The following ADGRL2 variants were observed in gnomAD, a reference collection of about 807,000 sequenced individuals.
The protein encoded by ADGRL2 is adhesion G protein-coupled receptor L2.
A neutral mutation model predicts 157.4 loss-of-function variants in ADGRL2; 44 were observed. The observed-to-expected ratio is 0.28, with a 90% confidence interval of 0.22 to 0.36. The LOEUF (loss-of-function observed/expected upper bound fraction) is 0.36. ADGRL2 is among the 10% of genes least tolerant of loss of function. The pLI is 1.00. For missense variants in ADGRL2, 1,510 were observed against 1,768.9 expected (o/e 0.85, Z 2.63); for synonymous variants, 585 against 624.7 (o/e 0.94, Z 0.95).
intron 2 of ADGRL2, among the ~76,000 whole-genome samples, chr1:81,766,873 T>C (rs1197187186): frequency 7.5e-6 from 1 of 133,356 alleles, no homozygotes; most frequent in Non-Finnish European, 1.6e-5. Context: ...GAAAAAGAAA[T>C]GCAGATCGTG....
intron 1 of ADGRL2, among the ~76,000 whole-genome samples, chr1:81,706,603 G>C (rs893536587): frequency 6.6e-5 from 10 of 152,150 alleles, no homozygotes; most frequent in African/African-American, 2.2e-4. Context: ...GATTGTCAAC[G>C]AAAAGAGAGA....
At position 81,581,863 on chromosome 1, in the gene ADGRL2, C is replaced by T. The variant is rs918291567; in HGVS notation, c.-143+883C>T. On this transcript the variant is annotated intron_variant, in intron 3 of 24. Coordinates refer to the ADGRL2 transcript ENST00000370721. ...TACGGTATTTAACCTCCCACCACCA[C>T]ACACATGCGCGCACACACACACACA... is the stretch of plus-strand genomic sequence containing the variant. Among the ~76,000 whole-genome samples the T allele has an allele frequency of 2.5e-4, 27 of 107,516 alleles. No homozygotes were observed. The Admixed American group carries it at 3.3e-3, about 13-fold the overall frequency. 70.5% of individuals were successfully genotyped at this position (107,516 alleles called of 152,430 possible). A position where few individuals can be genotyped will look rare whatever the true frequency, so the allele number is the denominator to read the frequency against.
chr1:81,904,484 G>A (rs886447256), intron 2 of ADGRL2, among the ~76,000 whole-genome samples: 4 of 152,166 alleles, frequency 2.6e-5, no homozygotes, highest in African/African-American at 9.7e-5. Context: ...TGGTTCTGGG[G>A]TTCTGGGGTC....
In ADGRL2 at chr1:81,911,374, C is replaced by CA. The variant is rs536099869; in HGVS notation, c.287+4151dup. 1.1e-3 allele frequency among the ~76,000 whole-genome samples: 169 copies of CA among 151,782 alleles called. 1 individual carries two copies. The highest frequency in any genetic ancestry group is 2.5e-3 in the South Asian group (12 of 4,790). On this transcript the variant is annotated intron_variant, in intron 3 of 23. Coordinates refer to ENST00000686636, the MANE Select transcript of ADGRL2 (RefSeq NM_001366006.2). ...TAACACTTTGAATTCATTAACAAAC[C>CA]AAAAAAACAAATCCTACTATTACTT...
intron 2 of ADGRL2, among the ~76,000 whole-genome samples, chr1:81,871,019 T>C (rs1211363639): frequency 6.6e-6 from 1 of 151,658 alleles, no homozygotes; most frequent in Non-Finnish European, 1.5e-5. Flanking sequence ...ATGTGCCATG[T>C]TGGTGTGCTG....
intron 2 of ADGRL2, among the ~76,000 whole-genome samples, chr1:81,562,566 C>T (rs998790564): frequency 2.0e-5 from 3 of 152,090 alleles, no homozygotes; most frequent in African/African-American, 7.2e-5. Context: ...TGTATAGCCT[C>T]AGCTGGAAAA....
At chr1:81,614,847 T>TAA (rs112809079) in intron 3 of ADGRL2, among the ~76,000 whole-genome samples, 84 of 145,392 alleles carry the variant, frequency 5.8e-4, no homozygotes, top group Non-Finnish European at 1.0e-3. Flanking sequence ...CTCTACAAAT[T>TAA]AAAAAAAAAA....
intron 1 of ADGRL2, among the ~76,000 whole-genome samples, chr1:81,750,627 G>A (rs2149264988): frequency 6.6e-6 from 1 of 152,258 alleles, no homozygotes; most frequent in Non-Finnish European, 1.5e-5. Flanking sequence ...CTGAGGCAGA[G>A]AATTGCTTGA....
At chr1:81,843,583 T>G (rs1342022437) in intron 2 of ADGRL2, among the ~76,000 whole-genome samples, 1 of 152,206 alleles carries the variant, frequency 6.6e-6, no homozygotes, top group Non-Finnish European at 1.5e-5. Flanking sequence ...AATATAAATC[T>G]TAATGCCTTT....
At chr1:81,545,268 A>G (rs1473608945) in intron 2 of ADGRL2, among the ~76,000 whole-genome samples, 1 of 151,540 alleles carries the variant, frequency 6.6e-6, no homozygotes, top group Admixed American at 6.6e-5. Flanking sequence ...AGAAGAATAA[A>G]AACAGTAAGA....
chr1:81,539,690 T>G (rs1054711396), intron 2 of ADGRL2, among the ~76,000 whole-genome samples: 4 of 152,154 alleles, frequency 2.6e-5, no homozygotes, highest in African/African-American at 9.7e-5. Context: ...ACGTAAGGAC[T>G]CTTACCACTA....
chr1:81,684,974 AT>A (rs2148967846), intron 3 of ADGRL2, among the ~76,000 whole-genome samples: 1 of 152,116 alleles, frequency 6.6e-6, no homozygotes, highest in Non-Finnish European at 1.5e-5. Flanking sequence ...CTGAGTTTCT[AT>A]TTTGTTCCAT....
intron 1 of ADGRL2, among the ~76,000 whole-genome samples, chr1:81,811,286 T>TAA (rs2089841580): frequency 6.6e-6 from 1 of 151,850 alleles, no homozygotes; most frequent in Non-Finnish European, 1.5e-5. Context: ...CTTTGTTCAA[T>TAA]AAGAACCTTA....
At chr1:81,580,753 T>C (rs2080891117) in intron 2 of ADGRL2, 1 of 152,214 alleles carries the variant, frequency 6.6e-6, no homozygotes, top group South Asian at 2.1e-4. Context: ...CGGTTTACTT[T>C]TAAGTCTGTG....
At chr1:81,983,401 A>G (rs1662212143) in intron 19 of ADGRL2, among the ~76,000 whole-genome samples, 1 of 151,984 alleles carries the variant, frequency 6.6e-6, no homozygotes, top group Non-Finnish European at 1.5e-5. Flanking sequence ...ACTCAACCAC[A>G]TTGTTATTTG....
intron 1 of ADGRL2, among the ~76,000 whole-genome samples, chr1:81,389,418 G>T (rs976785223): frequency 6.6e-6 from 1 of 152,156 alleles, no homozygotes; most frequent in Non-Finnish European, 1.5e-5. Context: ...ATGAAGGGAT[G>T]CATAGAAGGG....
chr1:81,764,281 G>A lies in ADGRL2; in HGVS notation c.-101+2429G>A, dbSNP rs111694824. Among the ~76,000 whole-genome samples the A allele has an allele frequency of 8.0e-4, 120 of 150,858 alleles. 2 individuals carry two copies. The highest frequency in any genetic ancestry group is 2.7e-3 in the African/African-American group (110 of 41,094). On this transcript the variant is annotated intron_variant, in intron 2 of 20. Coordinates refer to the ADGRL2 transcript ENST00000359929. The stretch of plus-strand genomic sequence containing the variant: ...TAACCTAAAATAATGTTAATAAATC[G>A]TTTATTATTAATAATAAATGGCACT...
chr1:81,486,748 A>G (rs993205805), intron 2 of ADGRL2, among the ~76,000 whole-genome samples: 5 of 152,156 alleles, frequency 3.3e-5, no homozygotes, highest in Admixed American at 2.6e-4. Flanking sequence ...CATGCTTTGG[A>G]CATATAAGTT....
At chr1:81,609,990 A>G (rs189198018) in intron 3 of ADGRL2, among the ~76,000 whole-genome samples, 1 of 152,350 alleles carries the variant, frequency 6.6e-6, no homozygotes, top group East Asian at 1.9e-4. Flanking sequence ...AGAGACAAAG[A>G]TAGCTGAAGT....
Sources: allele counts gnomAD v4.1 joint callset (sites outside exome capture counted in the v4.1 genomes callset), GRCh38; gene constraint gnomAD v4.1.1; transcripts MANE v1.5; gene names NCBI Gene and HGNC (gene_info 2026-07-23, HGNC 2026-07-21).